The following MRC1 variants were observed in gnomAD, a reference collection of about 807,000 sequenced individuals.
The protein encoded by MRC1 is mannose receptor C-type 1.
A neutral mutation model predicts 102.9 loss-of-function variants in MRC1; 62 were observed. That is an observed-to-expected ratio of 0.60 (90% confidence interval 0.49 to 0.74). The LOEUF is 0.74. MRC1 is among the 30% of genes least tolerant of loss of function. The pLI is 0.00. For missense variants in MRC1, 1,237 were observed against 862.8 expected (o/e 1.43, Z -5.43); for synonymous variants, 457 against 298.4 (o/e 1.53, Z -5.48).
intron 21 of MRC1, among the ~76,000 whole-genome samples, chr10:17,883,619 T>C (rs933400291): frequency 7.9e-5 from 12 of 152,238 alleles, no homozygotes; most frequent in African/African-American, 2.9e-4. Flanking sequence ...CACAGATAAT[T>C]GCATCTCTGC....
chr10:17,812,822 T>C lies in MRC1; in HGVS notation c.61+3296T>C, dbSNP rs893228510. Among the ~76,000 whole-genome samples the C allele has an allele frequency of 9.3e-3, 1,418 of 152,056 alleles. 24 individuals are homozygous for C. Among genetic ancestry groups the C allele is most frequent in the African/African-American group, 0.032 (1,334 of 41,488 alleles). On this transcript the variant is annotated intron_variant, in intron 1 of 29. Transcript: ENST00000569591. ...TCCTGACCTCGTGATCTGCCCACCT[T>C]AGCCTCCCAAAGTGCTGACATTACA...
chr10:17,834,916 C>G (rs891905809), intron 4 of MRC1, among the ~76,000 whole-genome samples: 1 of 152,156 alleles, frequency 6.6e-6, no homozygotes, highest in Non-Finnish European at 1.5e-5. Context: ...TTTTTCTGGA[C>G]ACGGCTATAT....
chr10:17,880,755 G>A (rs1833502246), intron 20 of MRC1, 85 bp downstream of exon 20: 1 of 764,916 alleles, frequency 1.3e-6, no homozygotes, highest in South Asian at 1.4e-5. Flanking sequence ...ACTTTTGCTA[G>A]CCTCATTACT....
intron 1 of MRC1, among the ~76,000 whole-genome samples, chr10:17,815,142 TTTCA>T (rs1838290885): frequency 6.6e-6 from 1 of 152,180 alleles, no homozygotes; most frequent in East Asian, 1.9e-4. Context: ...GATGATCTCA[TTTCA>T]TTCTCACGAC....
rs977445528 is a variant in MRC1 at position 17,813,470 on chromosome 10, T to C, written c.61+3944T>C. Among the ~76,000 whole-genome samples, 12 of 152,172 alleles carry C rather than the reference T, an allele frequency of 7.9e-5. No homozygotes were observed. The South Asian group carries it at 2.3e-3, about 29-fold the overall frequency. ...GATTCCAATATAAATGTATGTCTTA[T>C]GGTAAATATTGATTCTTCAGTGTAT... On this transcript the variant is annotated intron_variant, in intron 1 of 29. Transcript: ENST00000569591.
At chr10:17,839,692 T>C (rs904735519) in intron 4 of MRC1, among the ~76,000 whole-genome samples, 1 of 152,128 alleles carries the variant, frequency 6.6e-6, no homozygotes, top group Non-Finnish European at 1.5e-5. Flanking sequence ...CAAAGGATAG[T>C]TTTTATTTTA....
chr10:17,825,479 G>T (rs1019303428), intron 2 of MRC1, among the ~76,000 whole-genome samples: 1 of 152,110 alleles, frequency 6.6e-6, no homozygotes, highest in African/African-American at 2.4e-5. Context: ...GGTGGCTCAC[G>T]CCTGTAATCC....
At position 17,816,085 on chromosome 10, in the gene MRC1, T is replaced by C. The variant is rs1032158730; in HGVS notation, c.61+6559T>C. Among the ~76,000 whole-genome samples the C allele has an allele frequency of 6.6e-5, 10 of 152,124 alleles. No individual in the cohort carries two copies. In the South Asian group the frequency reaches 2.1e-3, roughly 32 times the overall value. ...GTGATCCGCCTGCCTTGGCCTCCTG[T>C]TCAACATTTCTAAGCCTAAGACTGA... On this transcript the variant is annotated intron_variant, in intron 1 of 29. Transcript: ENST00000569591.
At chr10:17,851,380 A>T (rs1554840549) in intron 7 of MRC1, among the ~76,000 whole-genome samples, 70,938 of 151,578 alleles carry the variant, frequency 0.47, 17,161 homozygotes, top group East Asian at 0.61. Context: ...AAACCTAGAA[A>T]TTTTTTTTTA....
At chr10:17,891,419 G>A (rs1347084747) in intron 22 of MRC1, among the ~76,000 whole-genome samples, 1 of 152,094 alleles carries the variant, frequency 6.6e-6, no homozygotes, top group Admixed American at 6.6e-5. Flanking sequence ...GCCCGCCTCG[G>A]CCTCCCGAAG....
chr10:17,821,149 A>T (rs1554838246), intron 1 of MRC1, among the ~76,000 whole-genome samples: 1 of 152,164 alleles, frequency 6.6e-6, no homozygotes, highest in African/African-American at 2.4e-5. Flanking sequence ...AGCAGCATGA[A>T]TGAGTAACCC....
intron 26 of MRC1, 110 bp from the exon 27 acceptor site, chr10:17,906,776 G>A (rs1242009772): frequency 7.8e-6 from 6 of 769,416 alleles, no homozygotes; most frequent in Non-Finnish European, 1.5e-5. Context: ...TTCCCCTTAA[G>A]TGGAGATGTT....
At chr10:17,897,623 A>C (rs1277928038) in intron 23 of MRC1, among the ~76,000 whole-genome samples, 2 of 152,228 alleles carry the variant, frequency 1.3e-5, no homozygotes, top group African/African-American at 4.8e-5. Context: ...GGAGGAAGAG[A>C]AAGACTTTTC....
At chr10:17,900,609 G>C (rs1319021100) in intron 24 of MRC1, among the ~76,000 whole-genome samples, 179 bp from the exon 25 acceptor site, 1 of 152,080 alleles carries the variant, frequency 6.6e-6, no homozygotes, top group Admixed American at 6.6e-5. Flanking sequence ...TCTAAGAAAG[G>C]CTGCATGTAC....
chr10:17,857,702 A>G (rs1300962809), intron 9 of MRC1, among the ~76,000 whole-genome samples: 1 of 152,210 alleles, frequency 6.6e-6, no homozygotes, highest in East Asian at 1.9e-4. Context: ...AGACTAGGAA[A>G]GAAAAAATCC....
chr10:17,841,775 A>C lies in MRC1; in HGVS notation c.916+969A>C, dbSNP rs1423882096. Among the ~76,000 whole-genome samples, 492 of 145,932 alleles carry C rather than the reference A, an allele frequency of 3.4e-3. 8 individuals are homozygous for C. In the South Asian group the frequency reaches 0.062, roughly 18 times the overall value. ...TTTTTTTTTAGGAAAGAGTGCAATT[A>C]ATGATTAGTGACGTCTGCCGTGGGT... On this transcript the variant is annotated intron_variant, in intron 5 of 29. Transcript: ENST00000569591.
chr10:17,869,341 C>G (rs934811950), intron 12 of MRC1, among the ~76,000 whole-genome samples: 9 of 152,130 alleles, frequency 5.9e-5, no homozygotes, highest in Admixed American at 2.0e-4. Context: ...ACTTAAACAC[C>G]TTTGTCCACA....
intron 9 of MRC1, among the ~76,000 whole-genome samples, chr10:17,856,863 C>T (rs972860281): frequency 0.019 from 2,941 of 152,178 alleles, 95 homozygotes; most frequent in African/African-American, 0.067. Flanking sequence ...TCACCGCAGT[C>T]GGGAGGTAGG....
intron 21 of MRC1, 71 bp from the exon 22 acceptor site, chr10:17,885,198 T>G (rs1047683168): frequency 5.1e-5 from 40 of 777,758 alleles, no homozygotes; most frequent in Middle Eastern, 2.5e-4. Context: ...AATTCATATA[T>G]TTTGAATATT....
Sources: gnomAD v4.1 joint callset for allele counts (sites outside exome capture counted in the v4.1 genomes callset) on GRCh38, gnomAD v4.1.1 for gene constraint, MANE v1.5 for transcripts, NCBI Gene and HGNC (gene_info 2026-07-23, HGNC 2026-07-21) for gene names.